RIMS2: variants seen among roughly 807,000 people sequenced by gnomAD.
RIMS2 encodes the protein regulating synaptic membrane exocytosis protein 2.
Under a neutral mutation model 174.4 loss-of-function variants are expected in RIMS2, and 59 were observed. The observed-to-expected ratio is 0.34, with a 90% confidence interval of 0.27 to 0.42. The LOEUF (loss-of-function observed/expected upper bound fraction) is 0.42. RIMS2 is among the 10% of genes least tolerant of loss of function. The probability of loss-of-function intolerance (pLI) is 1.00; values close to 1 mark genes in which losing one functional copy is unlikely to be tolerated. For missense variants in RIMS2, 1,620 were observed against 1,666.3 expected (o/e 0.97, Z 0.48); for synonymous variants, 606 against 572.5 (o/e 1.06, Z -0.84).
chr8:103,847,069 C>T (rs955861346), intron 3 of RIMS2, among the ~76,000 whole-genome samples: 1 of 152,018 alleles, frequency 6.6e-6, no homozygotes, highest in Non-Finnish European at 1.5e-5. Context: ...TTTTTTCTGG[C>T]ATAGGGATCA....
At chr8:104,148,842 C>T in intron 19 of RIMS2, 11 of 1,596,930 alleles carry the variant, frequency 6.9e-6, no homozygotes, top group Middle Eastern at 1.7e-4. Flanking sequence ...TCAGCTCAGC[C>T]AAACGGGTAG....
intron 19 of RIMS2, among the ~76,000 whole-genome samples, chr8:104,184,032 A>G (rs1393657285): frequency 6.6e-6 from 1 of 151,522 alleles, no homozygotes; most frequent in Non-Finnish European, 1.5e-5. Flanking sequence ...TCCTATGGCC[A>G]TGGTCTATAA....
intron 19 of RIMS2, among the ~76,000 whole-genome samples, chr8:104,032,851 T>C (rs1303468142): frequency 2.6e-5 from 4 of 152,002 alleles, no homozygotes; most frequent in African/African-American, 9.7e-5. Flanking sequence ...CATCCTTCTG[T>C]ATTCCAAACA....
chr8:104,166,605 A>G (rs1264117832), intron 19 of RIMS2, among the ~76,000 whole-genome samples: 1 of 152,074 alleles, frequency 6.6e-6, no homozygotes, highest in Non-Finnish European at 1.5e-5. Flanking sequence ...GCACAGGACA[A>G]TACAATCTCT....
At chr8:103,622,946 G>C (rs1474523866) in intron 1 of RIMS2, among the ~76,000 whole-genome samples, 1 of 152,196 alleles carries the variant, frequency 6.6e-6, no homozygotes, top group Admixed American at 6.5e-5. Context: ...GGCTGTCAAA[G>C]GAACCTGCTG....
Position 104,194,075 on chromosome 8 carries a change from C to G in RIMS2, c.3335-50841C>G, listed in dbSNP as rs139978653. On this transcript the variant is annotated intron_variant, in intron 19 of 23. Coordinates refer to ENST00000504942, the Ensembl canonical transcript of RIMS2. ...CTTCAAATGGTCTTTTTCACAATGGCTACGTTATTTTTCAGCCTGCTTAGA... is the reference window on the plus strand; with the variant it reads ...CTTCAAATGGTCTTTTTCACAATGGGTACGTTATTTTTCAGCCTGCTTAGA... Among the ~76,000 whole-genome samples the G allele has an allele frequency of 5.9e-5, 9 of 152,200 alleles. No homozygotes were observed. In the East Asian group the frequency reaches 1.7e-3, roughly 29 times the overall value.
At position 103,582,840 on chromosome 8, in the gene RIMS2, C is replaced by G. The variant is rs559290194; in HGVS notation, c.176+81778C>G. Reference sequence around the variant, plus strand: ...CTGGCCCCCAGATGGCACCTCTGGACCCACCTGGGGCCTGGGGGACCTCCC... The same window carrying G: ...CTGGCCCCCAGATGGCACCTCTGGAGCCACCTGGGGCCTGGGGGACCTCCC... On this transcript the variant is annotated intron_variant, in intron 1 of 23. Transcript: ENST00000504942. 9.2e-5 allele frequency among the ~76,000 whole-genome samples: 14 copies of G among 152,306 alleles called. No homozygotes were observed. The East Asian group carries it at 2.7e-3, about 29-fold the overall frequency.
At chr8:103,607,366 G>C (rs2095155248) in intron 1 of RIMS2, among the ~76,000 whole-genome samples, 1 of 152,020 alleles carries the variant, frequency 6.6e-6, no homozygotes, top group Non-Finnish European at 1.5e-5. Context: ...TCTGCTGAGA[G>C]ATCCGCTGTT....
chr8:103,695,176 A>G (rs1590523751), intron 1 of RIMS2, among the ~76,000 whole-genome samples: 1 of 152,304 alleles, frequency 6.6e-6, no homozygotes, highest in East Asian at 1.9e-4. Flanking sequence ...TACCCTGTTC[A>G]GTGCGTCTTT....
At chr8:103,667,605 G>C (rs1293111499) in intron 1 of RIMS2, among the ~76,000 whole-genome samples, 1 of 152,274 alleles carries the variant, frequency 6.6e-6, no homozygotes, top group East Asian at 1.9e-4. Flanking sequence ...AAGGTTGGCT[G>C]CAAAATCCCC....
At chr8:103,873,054 G>C (rs2099119957) in intron 3 of RIMS2, among the ~76,000 whole-genome samples, 1 of 152,122 alleles carries the variant, frequency 6.6e-6, no homozygotes, top group South Asian at 2.1e-4. Context: ...AGTTCTGGGT[G>C]CACTAGAGCT....
chr8:103,507,604 T>C (rs1824294870), intron 1 of RIMS2, among the ~76,000 whole-genome samples: 1 of 152,046 alleles, frequency 6.6e-6, no homozygotes, highest in South Asian at 2.1e-4. Context: ...ATGTAATTTT[T>C]AAACATGCCT....
At chr8:103,579,293 A>C (rs1478102671) in intron 1 of RIMS2, among the ~76,000 whole-genome samples, 1 of 151,402 alleles carries the variant, frequency 6.6e-6, no homozygotes, top group African/African-American at 2.4e-5. Flanking sequence ...ACACACAGAC[A>C]CACACACACA....
At chr8:104,164,018 G>A (rs2098780807) in intron 19 of RIMS2, among the ~76,000 whole-genome samples, 1 of 152,078 alleles carries the variant, frequency 6.6e-6, no homozygotes, top group East Asian at 1.9e-4. Flanking sequence ...CCACCTTTCA[G>A]CCAAATCCTC....
At chr8:104,100,949 G>GCA in intron 19 of RIMS2, among the ~76,000 whole-genome samples, 1 of 54,528 alleles carries the variant, frequency 1.8e-5, no homozygotes, top group South Asian at 6.8e-4. Flanking sequence ...ATATTATATA[G>GCA]TATATATGAT....
chr8:104,251,418 A>T (rs555146945), intron 23 of RIMS2, among the ~76,000 whole-genome samples, 184 bp from the exon 30 acceptor site: 3 of 152,214 alleles, frequency 2.0e-5, no homozygotes, highest in Non-Finnish European at 4.4e-5. Context: ...ATGCTTCAGT[A>T]CAATTTCCCC....
intron 1 of RIMS2, among the ~76,000 whole-genome samples, chr8:103,612,459 C>T (rs78348033): frequency 6.6e-6 from 1 of 152,326 alleles, no homozygotes; most frequent in African/African-American, 2.4e-5. Flanking sequence ...TTTGAATGGA[C>T]ATGGGTCTTA....
Position 103,783,404 on chromosome 8 carries a change from A to G in RIMS2, c.698+16867A>G, listed in dbSNP as rs375912390. 3.3e-4 allele frequency among the ~76,000 whole-genome samples: 49 copies of G among 149,904 alleles called. No individual in the cohort carries two copies. The East Asian group carries it at 8.0e-3, about 24-fold the overall frequency. On this transcript the variant is annotated intron_variant, in intron 3 of 23. Coordinates refer to ENST00000504942, the Ensembl canonical transcript of RIMS2. ...CATCTAGCATTAGGTATATCTCCCA[A>G]TGCTATCCCTCCCCCCTCACCCCAC...
chr8:104,140,158 G>GT (rs1183912059), intron 19 of RIMS2, among the ~76,000 whole-genome samples: 5 of 152,044 alleles, frequency 3.3e-5, no homozygotes, highest in African/African-American at 1.2e-4. Context: ...GTTGAATTCA[G>GT]TTTGCTATTT....
Sources: gnomAD v4.1 joint callset for allele counts (sites outside exome capture counted in the v4.1 genomes callset) on GRCh38, gnomAD v4.1.1 for gene constraint, MANE v1.5 for transcripts, NCBI Gene and HGNC (gene_info 2026-07-23, HGNC 2026-07-21) for gene names.